RNF111: variants seen among roughly 807,000 people sequenced by gnomAD.
The protein encoded by RNF111 is ring finger protein 111.
RNF111 carries 17 observed loss-of-function variants against 95.1 expected under a neutral mutation model. The observed-to-expected ratio is 0.18, with a 90% CI of 0.12 to 0.27. RNF111 has a LOEUF of 0.27. Among genes scored for constraint, RNF111 ranks in the 10% least tolerant of loss-of-function variants. The probability of loss-of-function intolerance (pLI) is 1.00; values close to 1 mark genes in which losing one functional copy is unlikely to be tolerated. For missense variants in RNF111, 1,189 were observed against 1,210.4 expected (o/e 0.98, Z 0.26); for synonymous variants, 440 against 414.8 (o/e 1.06, Z -0.74).
At chr15:59,020,430 A>G (rs1245162417) in intron 1 of RNF111, among the ~76,000 whole-genome samples, 3 of 152,046 alleles carry the variant, frequency 2.0e-5, no homozygotes, top group Non-Finnish European at 4.4e-5. Flanking sequence ...CACCCTACCA[A>G]AAAAGAACTG....
chr15:58,988,310 G>C (rs1167757479), intron 1 of RNF111: 1 of 152,326 alleles, frequency 6.6e-6, no homozygotes, highest in Non-Finnish European at 1.5e-5. Context: ...GTGTGGGTGA[G>C]GGGATTTCTC....
chr15:59,084,432 G>A (rs2078838427), intron 9 of RNF111, 178 bp downstream of exon 9: 1 of 477,796 alleles, frequency 2.1e-6, no homozygotes, highest in Non-Finnish European at 3.4e-6. Context: ...ATAGGAGCTG[G>A]GGCAGGGAAC....
intron 1 of RNF111, among the ~76,000 whole-genome samples, chr15:59,007,484 T>G (rs1485158251): frequency 6.6e-6 from 1 of 152,220 alleles, no homozygotes; most frequent in African/African-American, 2.4e-5. Flanking sequence ...GAGATTTATT[T>G]TTTCTCTAAT....
At chr15:59,083,186 G>T (rs1295023641) in intron 8 of RNF111, among the ~76,000 whole-genome samples, 2 of 151,970 alleles carry the variant, frequency 1.3e-5, no homozygotes, top group African/African-American at 4.8e-5. Context: ...AAACTAAGTT[G>T]TTTTTAGTGT....
rs562267792 is a variant in RNF111 at position 59,065,456 on chromosome 15, C to T, written c.1367-1308C>T. Among the ~76,000 whole-genome samples, 3 of 152,188 alleles carry T rather than the reference C, an allele frequency of 2.0e-5. No homozygotes were observed. The South Asian group carries it at 6.2e-4, about 32-fold the overall frequency. ...ATGTGTTTTATACTGAGAAATTTAT[C>T]TTTTCTAACAACCATGCAAGGCAAT... On this transcript the variant is annotated intron_variant, in intron 5 of 13. Coordinates refer to ENST00000348370, the MANE Select transcript of RNF111 (RefSeq NM_017610.8).
At position 59,091,130 on chromosome 15, in the gene RNF111, T is replaced by C. The variant is rs199619968; in HGVS notation, c.2715T>C (p.Cys905=). 473 of 1,602,876 alleles carry C rather than the reference T, an allele frequency of 3.0e-4. 2 individuals are homozygous for C. In the South Asian group the frequency reaches 4.3e-3, roughly 15 times the overall value. ...RGASQGTIER[C]TYPHKYKKRK... ...CATCCCAGGGGACAATTGAAAGATG[T>C]ACATATCCACATAAATACAAAAAGG... The change falls in exon 12 of 14, where the codon TGT becomes TGC. Residue 905 remains cysteine (C), a synonymous_variant. Coordinates refer to ENST00000348370, the MANE Select transcript of RNF111 (RefSeq NM_017610.8).
chr15:59,048,360 T>C (rs1166864426), intron 2 of RNF111, among the ~76,000 whole-genome samples: 2 of 152,210 alleles, frequency 1.3e-5, no homozygotes, highest in Non-Finnish European at 2.9e-5. Flanking sequence ...ATGCAATGTG[T>C]GACTCCACTT....
At chr15:58,991,592 G>A (rs907088268) in intron 1 of RNF111, among the ~76,000 whole-genome samples, 1 of 152,188 alleles carries the variant, frequency 6.6e-6, no homozygotes, top group African/African-American at 2.4e-5. Context: ...CCTTTTTAGA[G>A]GTGGTAATTT....
chr15:59,012,349 A>T (rs1168195861), intron 1 of RNF111, among the ~76,000 whole-genome samples: 1 of 151,990 alleles, frequency 6.6e-6, no homozygotes. Flanking sequence ...CACTTAGGTA[A>T]TTACAGTATT....
intron 1 of RNF111, among the ~76,000 whole-genome samples, chr15:59,021,316 A>C (rs1195333849): frequency 6.6e-6 from 1 of 151,928 alleles, no homozygotes; most frequent in Non-Finnish European, 1.5e-5. Context: ...ATGCCCGGCT[A>C]ATTTTTGTAT....
intron 1 of RNF111, among the ~76,000 whole-genome samples, chr15:59,022,010 C>T (rs2040368245): frequency 6.6e-6 from 1 of 152,048 alleles, no homozygotes; most frequent in African/African-American, 2.4e-5. Flanking sequence ...CAGGCGCGTG[C>T]CACCATGCCT....
intron 5 of RNF111, among the ~76,000 whole-genome samples, chr15:59,062,464 T>G (rs2042481690): frequency 1.3e-5 from 2 of 152,220 alleles, no homozygotes; most frequent in Admixed American, 1.3e-4. Context: ...GTGGTCCTTG[T>G]GTTATGCCTA....
chr15:59,040,417 A>G (rs2041394529), intron 2 of RNF111, among the ~76,000 whole-genome samples: 1 of 152,150 alleles, frequency 6.6e-6, no homozygotes, highest in Non-Finnish European at 1.5e-5. Flanking sequence ...GTGTGATGTG[A>G]ACCACCATGC....
chr15:59,055,154 A>T (rs2042152730), intron 3 of RNF111, among the ~76,000 whole-genome samples: 1 of 152,226 alleles, frequency 6.6e-6, no homozygotes, highest in East Asian at 1.9e-4. Flanking sequence ...TAAACTAGCC[A>T]CAATGTCCTT....
intron 1 of RNF111, among the ~76,000 whole-genome samples, chr15:59,025,170 C>T (rs2040540360): frequency 6.6e-6 from 1 of 152,222 alleles, no homozygotes; most frequent in South Asian, 2.1e-4. Flanking sequence ...CAGGCGTGAG[C>T]CACTGCGCCC....
chr15:59,067,010 C>G lies in RNF111; in HGVS notation c.1613C>G (p.Pro538Arg). 3 of 1,614,118 alleles carry G rather than the reference C, an allele frequency of 1.9e-6. No individual in the cohort carries two copies. Among genetic ancestry groups the G allele is most frequent in the Non-Finnish European group, 2.5e-6 (3 of 1,180,020 alleles). Reference sequence around the variant, plus strand: ...CCTTCCTTTAGTGATCCTGCTTGCCCTGTGGAAAGACCTCCACAAGTACAA... The same window carrying G: ...CCTTCCTTTAGTGATCCTGCTTGCCGTGTGGAAAGACCTCCACAAGTACAA... Reference protein sequence around the residue: ...VSPSFSDPACPVERPPQVQAP... With the variant: ...VSPSFSDPACRVERPPQVQAP... Residue 538 changes from proline (P) to arginine (R), a missense_variant, in exon 6 of 14, where the codon CCT becomes CGT. Pro to Arg is a moderately radical substitution (Grantham distance 103, BLOSUM62 -2). This residue lies in a region of RNF111 where 1,024 missense variants were observed against 925.9 expected (regional missense o/e 1.11). Transcript: ENST00000348370.
In RNF111 at chr15:59,031,445, G is replaced by A. The variant is rs866218559; in HGVS notation, c.623G>A (p.Arg208Gln). 9.3e-6 allele frequency: 15 copies of A among 1,614,074 alleles called. No homozygotes were observed. Among genetic ancestry groups the A allele is most frequent in the Admixed American group, 1.7e-5 (1 of 59,996 alleles). ...KRPCLHGSSLRRLPCRKRFVK... is the reference protein window; with the variant it reads ...KRPCLHGSSLQRLPCRKRFVK... Reference sequence around the variant, plus strand: ...CCCTGTTTACATGGCAGTTCGTTACGGAGACTTCCATGCAGAAAGAGATTT... The same window carrying A: ...CCCTGTTTACATGGCAGTTCGTTACAGAGACTTCCATGCAGAAAGAGATTT... Residue 208 changes from arginine (R) to glutamine (Q), a missense_variant, in exon 2 of 14, where the codon CGG becomes CAG. By Grantham distance (43) the Arg-to-Gln change is conservative. Transcript: ENST00000348370.
intron 1 of RNF111, among the ~76,000 whole-genome samples, chr15:59,019,144 G>A (rs2040212288): frequency 7.9e-6 from 1 of 126,622 alleles, no homozygotes; most frequent in African/African-American, 3.0e-5. Context: ...GTTTCATGTT[G>A]CCCAGGGTGG....
intron 2 of RNF111, among the ~76,000 whole-genome samples, chr15:59,047,808 C>T (rs1355773882): frequency 2.0e-5 from 3 of 152,148 alleles, no homozygotes; most frequent in African/African-American, 4.8e-5. Context: ...CTCCTTAGCT[C>T]GAGCAATCTG....
Sources: gnomAD v4.1 joint callset for allele counts (sites outside exome capture counted in the v4.1 genomes callset) on GRCh38, gnomAD v4.1.1 for gene constraint, gnomAD v4.1.1 regional missense constraint, MANE v1.5 for transcripts, NCBI Gene and HGNC (gene_info 2026-07-23, HGNC 2026-07-21) for gene names.